The following MS4A1 variants were observed in gnomAD, a reference collection of about 807,000 sequenced individuals.
MS4A1 encodes B-lymphocyte antigen CD20.
A neutral mutation model predicts 26.5 loss-of-function variants in MS4A1; 16 were observed. That is an observed-to-expected ratio of 0.60 (90% CI 0.41 to 0.92). The LOEUF (loss-of-function observed/expected upper bound fraction) is 0.92, where lower values mean the gene tolerates loss of function less well. MS4A1 is among the 40% of genes least tolerant of loss of function. The probability of loss-of-function intolerance (pLI) is 0.00; values close to 1 mark genes in which losing one functional copy is unlikely to be tolerated. For synonymous variants in MS4A1, 128 were observed against 117.6 expected, an observed-to-expected ratio of 1.09 and a Z score of -0.57; for missense variants, 350 against 353.0, an observed-to-expected ratio of 0.99 and a Z score of 0.07.
At position 60,463,034 on chromosome 11, in the gene MS4A1, T is replaced by C. The variant is rs1479850440; in HGVS notation, c.192T>C (p.Ile64=). Residue 64 remains isoleucine (I), a synonymous_variant, in exon 4 of 8, where the codon ATT becomes ATC. Transcript: ENST00000345732. ...AGATTATGAATGGGCTCTTCCACAT[T>C]GCCCTGGGGGGTCTTCTGATGATCC... ...AVQIMNGLFH[I]ALGGLLMIPA... The C allele has an allele frequency of 1.9e-6, 3 of 1,614,012 alleles. No individual in the cohort carries two copies. The highest frequency in any genetic ancestry group is 2.5e-6 in the Non-Finnish European group (3 of 1,180,010).
At position 60,463,084 on chromosome 11, in the gene MS4A1, G is replaced by A. The variant is rs1565194450; in HGVS notation, c.242G>A (p.Cys81Tyr). ...CCAGCAGGGATCTATGCACCCATCT[G>A]TGTGACTGTGTGGTACCCTCTCTGG... ...MIPAGIYAPI[C>Y]VTVWYPLWGG... Residue 81 changes from cysteine to tyrosine, a missense_variant, in exon 4 of 8, where the codon TGT becomes TAT. Cys to Tyr is a radical substitution (Grantham distance 194, BLOSUM62 -2). Transcript: ENST00000345732. 1 of 1,614,186 alleles carries A rather than the reference G, an allele frequency of 6.2e-7. No homozygotes were observed. The highest frequency in any genetic ancestry group is 1.7e-5 in the Admixed American group (1 of 60,028).
At chr11:60,466,928 T>A (rs1348320566) in intron 6 of MS4A1, 31 bp from the exon 7 acceptor site, 5 of 1,598,804 alleles carry the variant, frequency 3.1e-6, no homozygotes, top group Non-Finnish European at 4.3e-6. Flanking sequence ...CATTATTACA[T>A]TTTCACCTTC....
Position 60,462,342 on chromosome 11 carries a change from A to G in MS4A1, c.-33A>G, listed in dbSNP as rs746289549. On this transcript the variant is annotated 5_prime_UTR_variant, in exon 3 of 8. Coordinates refer to ENST00000345732, the MANE Select transcript of MS4A1 (RefSeq NM_152866.3). ...TTGTTCTTGCTCTCCTCATTTTGTT[A>G]TTTGTTTTATTTTTAGGAGTTTTGA... 3.1e-6 allele frequency: 5 copies of G among 1,612,998 alleles called. No homozygotes were observed. The highest frequency in any genetic ancestry group is 1.7e-5 in the Admixed American group (1 of 59,984).
At chr11:60,465,791 T>C in intron 5 of MS4A1, 130 bp from the exon 6 acceptor site, 1 of 722,870 alleles carries the variant, frequency 1.4e-6, no homozygotes, top group South Asian at 1.7e-5. Context: ...TAAAAACAAC[T>C]GAGAGAACTT....
At chr11:60,461,772 G>T (rs2086250068) in intron 2 of MS4A1, among the ~76,000 whole-genome samples, 1 of 151,690 alleles carries the variant, frequency 6.6e-6, no homozygotes, top group African/African-American at 2.4e-5. Flanking sequence ...TGCCCATCTT[G>T]GCCTCCCAAA....
In MS4A1 at chr11:60,467,019, G is replaced by A. The variant is rs148035107; in HGVS notation, c.634G>A (p.Val212Ile). The A allele has an allele frequency of 1.2e-4, 190 of 1,614,106 alleles. No individual in the cohort carries two copies. In the African/African-American group the frequency reaches 1.3e-3, roughly 11 times the overall value. The change falls in exon 7 of 8, where the codon GTT (valine) becomes ATT (isoleucine). Residue 212 changes from valine (V) to isoleucine (I), a missense_variant. Transcript: ENST00000345732. Reference sequence around the variant, plus strand: ...CCAGGAACTTGTAATAGCTGGCATCGTTGAGAATGAATGGAAAAGAACGTG... The same window carrying A: ...CCAGGAACTTGTAATAGCTGGCATCATTGAGAATGAATGGAAAAGAACGTG... ...FFQELVIAGI[V>I]ENEWKRTCSR...
Position 60,469,922 on chromosome 11 carries a change from T to A in MS4A1, c.*1454T>A, listed in dbSNP as rs1444853140. The A allele has an allele frequency of 6.6e-6, 1 of 152,082 alleles. No homozygotes were observed. Among genetic ancestry groups the A allele is most frequent in the Non-Finnish European group, 1.5e-5 (1 of 67,954 alleles). 9.4% of individuals were successfully genotyped at this position (152,082 alleles called of 1,614,324 possible). ...AATGTAATTTGCACTCCCTATGATATTTCTACATTTTTAGCGACCACTAGT... is the reference window on the plus strand; with the variant it reads ...AATGTAATTTGCACTCCCTATGATAATTCTACATTTTTAGCGACCACTAGT... On this transcript the variant is annotated 3_prime_UTR_variant, in exon 8 of 8. Transcript: ENST00000345732.
intron 1 of MS4A1, among the ~76,000 whole-genome samples, chr11:60,459,857 G>A (rs1390704636): frequency 2.6e-5 from 4 of 152,266 alleles, no homozygotes; most frequent in South Asian, 2.1e-4. Flanking sequence ...GAGAAAAGAG[G>A]GGTCATAAGG....
intron 2 of MS4A1, among the ~76,000 whole-genome samples, 154 bp downstream of exon 2, chr11:60,461,314 T>C (rs558773446): frequency 6.6e-6 from 1 of 151,750 alleles, no homozygotes; most frequent in African/African-American, 2.4e-5. Context: ...ACACTAGCCA[T>C]GCACAGACCA....
intron 1 of MS4A1, among the ~76,000 whole-genome samples, chr11:60,458,387 G>C (rs975675496): frequency 2.6e-5 from 4 of 152,156 alleles, no homozygotes; most frequent in Non-Finnish European, 4.4e-5. Flanking sequence ...ACCCATAAAG[G>C]CTGTGAGATC....
intron 6 of MS4A1, chr11:60,466,549 C>T (rs1439603551): frequency 1.3e-5 from 4 of 318,300 alleles, no homozygotes; most frequent in Non-Finnish European, 2.4e-5. Context: ...ATATCTTTTG[C>T]CCAAGGACTT....
intron 4 of MS4A1, chr11:60,463,692 A>G (rs886988784): frequency 5.4e-5 from 22 of 409,558 alleles, no homozygotes; most frequent in East Asian, 2.9e-4. Context: ...ACTATAAAAG[A>G]TAAGTCCAGG....
intron 1 of MS4A1, among the ~76,000 whole-genome samples, chr11:60,456,272 T>C (rs1170187361): frequency 2.0e-5 from 3 of 152,178 alleles, no homozygotes; most frequent in Admixed American, 6.5e-5. Flanking sequence ...CAATATAACC[T>C]TGGGCAAATT....
chr11:60,464,798 G>A (rs1044257832), intron 5 of MS4A1, among the ~76,000 whole-genome samples: 10 of 152,162 alleles, frequency 6.6e-5, no homozygotes, highest in Non-Finnish European at 1.3e-4. Context: ...ACCATGTGAC[G>A]TCCAATGGAG....
intron 4 of MS4A1, 129 bp downstream of exon 4, chr11:60,463,250 T>A: frequency 7.5e-7 from 1 of 1,326,682 alleles, no homozygotes; most frequent in Non-Finnish European, 1.1e-6. Context: ...TGGGTTAAAG[T>A]AATTAAGAAG....
chr11:60,469,609 G>C lies in MS4A1; in HGVS notation c.*1141G>C, dbSNP rs1254612481. ...TTACCCATGGGGATAAAAAGACTCA[G>C]ACTTTCACCACATTTGGAAAACTAC... On this transcript the variant is annotated 3_prime_UTR_variant, in exon 8 of 8. Coordinates refer to ENST00000345732, the MANE Select transcript of MS4A1 (RefSeq NM_152866.3). 1 of 152,092 alleles carries C rather than the reference G, an allele frequency of 6.6e-6. No homozygotes were observed. The highest frequency in any genetic ancestry group is 2.4e-5 in the African/African-American group (1 of 41,436). 9.4% of individuals were successfully genotyped at this position (152,092 alleles called of 1,614,324 possible).
intron 7 of MS4A1, 104 bp downstream of exon 7, chr11:60,467,164 T>C: frequency 9.9e-7 from 1 of 1,005,122 alleles, no homozygotes; most frequent in African/African-American, 1.6e-5. Context: ...AACTAGGAGC[T>C]TGATTTAAAA....
chr11:60,470,031 A>G lies in MS4A1; in HGVS notation c.*1563A>G, dbSNP rs970423170. The stretch of plus-strand genomic sequence containing the variant: ...TTCTCAAAATTTGTTCTAAATTAAT[A>G]AAACTATCTTTGTGTTCTTTTCTGC... On this transcript the variant is annotated 3_prime_UTR_variant, in exon 8 of 8. Coordinates refer to ENST00000345732, the MANE Select transcript of MS4A1 (RefSeq NM_152866.3). 1 of 152,116 alleles carries G rather than the reference A, an allele frequency of 6.6e-6. No individual in the cohort carries two copies. Among genetic ancestry groups the G allele is most frequent in the Non-Finnish European group, 1.5e-5 (1 of 67,946 alleles). 9.4% of individuals were successfully genotyped at this position (152,116 alleles called of 1,614,324 possible).
At position 60,463,059 on chromosome 11, in the gene MS4A1, C is replaced by G. The variant is rs143621504; in HGVS notation, c.217C>G (p.Pro73Ala). ...HIALGGLLMI[P>A]AGIYAPICVT... ...TGCCCTGGGGGGTCTTCTGATGATC[C>G]CAGCAGGGATCTATGCACCCATCTG... is the stretch of plus-strand genomic sequence containing the variant. The change falls in exon 4 of 8, where the codon CCA becomes GCA. Residue 73 changes from proline (P) to alanine (A), a missense_variant. Coordinates refer to ENST00000345732, the MANE Select transcript of MS4A1 (RefSeq NM_152866.3). 5 of 1,614,096 alleles carry G rather than the reference C, an allele frequency of 3.1e-6. No individual in the cohort carries two copies. Among genetic ancestry groups the G allele is most frequent in the Non-Finnish European group, 4.2e-6 (5 of 1,179,996 alleles).
Sources: allele counts gnomAD v4.1 joint callset (sites outside exome capture counted in the v4.1 genomes callset), GRCh38; gene constraint gnomAD v4.1.1; transcripts MANE v1.5; gene names NCBI Gene and HGNC (gene_info 2026-07-23, HGNC 2026-07-21).